Variants in ITGAV observed in about 807,000 individuals in gnomAD.
ITGAV encodes the protein integrin alpha-V.
Under a neutral mutation model 143.8 loss-of-function variants are expected in ITGAV, and 76 were observed. That is an observed-to-expected ratio of 0.53 (90% CI 0.44 to 0.64). ITGAV has a LOEUF of 0.64. ITGAV is among the 30% of genes least tolerant of loss of function. The pLI, the probability that ITGAV is intolerant of heterozygous loss-of-function variation, is 0.00. For synonymous variants in ITGAV, 453 were observed against 446.7 expected (o/e 1.01, Z -0.18); for missense variants, 1,193 against 1,274.7 (o/e 0.94, Z 0.98).
intron 4 of ITGAV, among the ~76,000 whole-genome samples, chr2:186,628,300 G>T (rs1344978794): frequency 1.3e-5 from 2 of 151,946 alleles, no homozygotes; most frequent in Non-Finnish European, 2.9e-5. Context: ...TTATTTGTTT[G>T]CTTTTGAGTT....
chr2:186,677,158 C>A (rs1314361964), intron 29 of ITGAV, 39 bp from the exon 30 acceptor site: 9 of 1,551,948 alleles, frequency 5.8e-6, no homozygotes, highest in Non-Finnish European at 7.1e-6. Context: ...GTATTCTACA[C>A]TGATGTGACA....
intron 8 of ITGAV, among the ~76,000 whole-genome samples, chr2:186,637,766 T>G (rs929479582): frequency 1.3e-5 from 2 of 152,168 alleles, no homozygotes; most frequent in African/African-American, 2.4e-5. Flanking sequence ...AGAATTAGTG[T>G]CTTCTTTCTT....
At chr2:186,644,358 A>T (rs1477021130) in intron 12 of ITGAV, among the ~76,000 whole-genome samples, 3 of 149,152 alleles carry the variant, frequency 2.0e-5, no homozygotes, top group Admixed American at 1.3e-4. Context: ...ACTGAGTCTC[A>T]TTCTGTCGCC....
In ITGAV at chr2:186,665,201, A is replaced by G. The variant is rs199555610; in HGVS notation, c.2149A>G (p.Met717Val). The change falls in exon 21 of 30, where the codon ATG becomes GTG. Residue 717 changes from methionine to valine, a missense_variant. By Grantham distance (21) the Met-to-Val change is conservative. Transcript: ENST00000261023. ...GGTGGTATGTGACCTTGGAAACCCA[A>G]TGAAGGCTGGAACTCAAGTAAGACA... ...RQVVCDLGNP[M>V]KAGTQLLAGL... 188 of 1,610,208 alleles carry G rather than the reference A, an allele frequency of 1.2e-4. No individual in the cohort carries two copies. Among genetic ancestry groups the G allele is most frequent in the Middle Eastern group, 8.2e-4 (5 of 6,082 alleles).
intron 1 of ITGAV, among the ~76,000 whole-genome samples, chr2:186,591,766 A>G (rs982382120): frequency 6.6e-6 from 1 of 152,000 alleles, no homozygotes; most frequent in Non-Finnish European, 1.5e-5. Context: ...GATGCAGTTA[A>G]TGGAAACTTT....
Position 186,590,493 on chromosome 2 carries a change from C to T in ITGAV, c.155C>T (p.Ala52Val). 6.2e-7 allele frequency: 1 copy of T among 1,611,048 alleles called. No individual in the cohort carries two copies. Among genetic ancestry groups the T allele is most frequent in the Non-Finnish European group, 8.5e-7 (1 of 1,178,998 alleles). ...CCCGAGGGAAGTTACTTCGGCTTCG[C>T]CGTGGATTTCTTCGTGCCCAGCGCG... ...SGPEGSYFGFAVDFFVPSASS... is the reference protein window; with the variant it reads ...SGPEGSYFGFVVDFFVPSASS... The change falls in exon 1 of 30, where the codon GCC (alanine) becomes GTC (valine). Residue 52 changes from alanine to valine, a missense_variant. Ala to Val is a moderately conservative substitution (Grantham distance 64, BLOSUM62 0). Coordinates refer to ENST00000261023, the MANE Select transcript of ITGAV (RefSeq NM_002210.5).
At position 186,668,864 on chromosome 2, in the gene ITGAV, A is replaced by G; in HGVS notation, c.2536A>G (p.Ile846Val). 6.2e-7 allele frequency: 1 copy of G among 1,613,432 alleles called. No individual in the cohort carries two copies. Among genetic ancestry groups the G allele is most frequent in the Non-Finnish European group, 8.5e-7 (1 of 1,179,590 alleles). Residue 846 changes from isoleucine to valine, a missense_variant, in exon 25 of 30, where the codon ATT becomes GTT. By Grantham distance (29) the Ile-to-Val change is conservative (BLOSUM62 3). Coordinates refer to ENST00000261023, the MANE Select transcript of ITGAV (RefSeq NM_002210.5). Reference sequence around the variant, plus strand: ...TCTGTTGTATATCCTTCATTATGATATTGATGGACCAATGAACTGCACTTC... The same window carrying G: ...TCTGTTGTATATCCTTCATTATGATGTTGATGGACCAATGAACTGCACTTC... Reference protein sequence around the residue: ...NTLLYILHYDIDGPMNCTSDM... With the variant: ...NTLLYILHYDVDGPMNCTSDM...
chr2:186,670,129 A>T (rs984235252), intron 26 of ITGAV, among the ~76,000 whole-genome samples: 1 of 152,224 alleles, frequency 6.6e-6, no homozygotes, highest in Non-Finnish European at 1.5e-5. Flanking sequence ...TAAAAAATCC[A>T]GAAGGTCCCA....
At position 186,666,735 on chromosome 2, in the gene ITGAV, A is replaced by T; in HGVS notation, c.2198A>T (p.Gln733Leu). ...LLAGLRFSVHQQSEMDTSVKF... is the reference protein window; with the variant it reads ...LLAGLRFSVHLQSEMDTSVKF... ...GCTGGTCTTCGTTTCAGTGTGCACC[A>T]GCAGTCAGAGATGGATACTTCTGTG... Residue 733 changes from glutamine (Q) to leucine (L), a missense_variant, in exon 22 of 30, where the codon CAG (glutamine) becomes CTG (leucine). Transcript: ENST00000261023. 1.3e-6 allele frequency: 2 copies of T among 1,587,570 alleles called. No homozygotes were observed. The highest frequency in any genetic ancestry group is 1.7e-6 in the Non-Finnish European group (2 of 1,169,492).
In ITGAV at chr2:186,675,681, C is replaced by A. The variant is rs199793723; in HGVS notation, c.2784C>A (p.Tyr928Ter). The change falls in exon 27 of 30, where the codon TAC becomes TAA. Residue 928 changes from tyrosine (Y) to a stop codon, truncating the protein, a stop_gained. Transcript: ENST00000261023. LOFTEE classifies it high-confidence loss of function. ...ACAGAGGAAAGAGTGCAATCTTGTA[C>A]GTAAAGTCATTACTGTGGACTGAGA... Reference protein sequence around the residue: ...RLDRGKSAILYVKSLLWTETF... With the variant: ...RLDRGKSAIL 1 of 1,613,652 alleles carries A rather than the reference C, an allele frequency of 6.2e-7. No individual in the cohort carries two copies. The highest frequency in any genetic ancestry group is 8.5e-7 in the Non-Finnish European group (1 of 1,179,698).
chr2:186,640,999 T>C (rs1379300403), intron 11 of ITGAV, 32 bp downstream of exon 11: 1 of 1,483,272 alleles, frequency 6.7e-7, no homozygotes, highest in Non-Finnish European at 9.3e-7. Context: ...TCCAGAAAGT[T>C]ATCTTCTCAT....
chr2:186,657,232 A>C (rs1037849758), intron 17 of ITGAV, among the ~76,000 whole-genome samples: 1 of 152,198 alleles, frequency 6.6e-6, no homozygotes, highest in Non-Finnish European at 1.5e-5. Context: ...TTTAAAGGAA[A>C]AAACAAAACA....
intron 2 of ITGAV, among the ~76,000 whole-genome samples, chr2:186,614,907 A>G (rs918092748): frequency 6.6e-6 from 1 of 152,068 alleles, no homozygotes; most frequent in Non-Finnish European, 1.5e-5. Context: ...TGTACAATTC[A>G]ATGAATTTTT....
intron 12 of ITGAV, among the ~76,000 whole-genome samples, chr2:186,642,530 T>C (rs545106384): frequency 1.6e-5 from 2 of 128,210 alleles, no homozygotes; most frequent in East Asian, 2.7e-4. Flanking sequence ...TTCTTTCTTT[T>C]TTTTCTTTTT....
rs10195983 is a variant in ITGAV at position 186,612,071 on chromosome 2, A to G, written c.316+9920A>G. Among the ~76,000 whole-genome samples, 1,414 of 152,340 alleles carry G rather than the reference A, an allele frequency of 9.3e-3. 24 individuals are homozygous for G. The highest frequency in any genetic ancestry group is 0.032 in the African/African-American group (1,351 of 41,590). On this transcript the variant is annotated intron_variant, in intron 2 of 29. Transcript: ENST00000261023. Reference sequence around the variant, plus strand: ...ACTAGAACTGTAGGGAACTAAATAAATACGGAAAAGGAAAGAAATAAAGAT... The same window carrying G: ...ACTAGAACTGTAGGGAACTAAATAAGTACGGAAAAGGAAAGAAATAAAGAT...
chr2:186,599,025 G>A lies in ITGAV; in HGVS notation c.186-2996G>A, dbSNP rs565320227. 6.6e-5 allele frequency among the ~76,000 whole-genome samples: 10 copies of A among 152,256 alleles called. No individual in the cohort carries two copies. In the East Asian group the frequency reaches 1.7e-3, roughly 26 times the overall value. ...CAGCTACTACCCAGAATAAGAAATT[G>A]ATTTTAAAAGTTCAAGTGAATGCAT... On this transcript the variant is annotated intron_variant, in intron 1 of 29. Transcript: ENST00000261023.
At chr2:186,667,118 T>C (rs1030219913) in intron 22 of ITGAV, 32 bp from the exon 23 acceptor site, 2 of 1,552,922 alleles carry the variant, frequency 1.3e-6, no homozygotes, top group African/African-American at 2.8e-5. Context: ...TTATGCATAA[T>C]TCATTTTTAA....
intron 1 of ITGAV, among the ~76,000 whole-genome samples, chr2:186,594,555 C>T (rs566601750): frequency 2.0e-4 from 30 of 152,172 alleles, no homozygotes; most frequent in Non-Finnish European, 4.0e-4. Context: ...GGCTCTTAAA[C>T]GTGCAGAACA....
At chr2:186,664,758 A>T in intron 20 of ITGAV, 117 bp downstream of exon 20, 1 of 1,229,822 alleles carries the variant, frequency 8.1e-7, no homozygotes, top group Non-Finnish European at 1.2e-6. Flanking sequence ...GGCTAAATTG[A>T]TAGACAATGG....
Sources: gnomAD v4.1 joint callset for allele counts (sites outside exome capture counted in the v4.1 genomes callset) on GRCh38, gnomAD v4.1.1 for gene constraint, MANE v1.5 for transcripts, NCBI Gene and HGNC (gene_info 2026-07-23, HGNC 2026-07-21) for gene names.